The following ADAT1 variants were observed in gnomAD, a reference collection of about 807,000 sequenced individuals.
The protein encoded by ADAT1 is tRNA-specific adenosine deaminase 1.
In ADAT1, 58 loss-of-function variants were observed where a neutral mutation model predicts 58.6. That is an observed-to-expected ratio of 0.99 (90% CI 0.80 to 1.23). The LOEUF (loss-of-function observed/expected upper bound fraction) is 1.23. Ranked by LOEUF, ADAT1 falls within the 50% of genes most tolerant of loss-of-function variation. The pLI, the probability that ADAT1 is intolerant of heterozygous loss-of-function variation, is 0.00. For missense variants in ADAT1, 741 were observed against 608.6 expected (o/e 1.22, Z -2.29); for synonymous variants, 254 against 220.8 (o/e 1.15, Z -1.33).
At chr16:75,609,851 G>A (rs1013376404) in intron 6 of ADAT1, among the ~76,000 whole-genome samples, 3 of 152,014 alleles carry the variant, frequency 2.0e-5, no homozygotes, top group Non-Finnish European at 2.9e-5. Context: ...CTACAGGCAT[G>A]CACCATCATG....
chr16:75,612,219 A>T, intron 6 of ADAT1, 24 bp downstream of exon 6: 1 of 1,604,928 alleles, frequency 6.2e-7, no homozygotes. Context: ...GACTGTTCCA[A>T]TTGAGCCCTC....
At chr16:75,606,624 C>A (rs1476824989) in intron 8 of ADAT1, among the ~76,000 whole-genome samples, 3 of 152,188 alleles carry the variant, frequency 2.0e-5, no homozygotes, top group Non-Finnish European at 4.4e-5. Flanking sequence ...GGAACAGGAT[C>A]CTTGAGCCCC....
Position 75,615,501 on chromosome 16 carries a change from A to T in ADAT1, c.424+1641T>A, listed in dbSNP as rs1452468717. Among the ~76,000 whole-genome samples, 13 of 136,860 alleles carry T rather than the reference A, an allele frequency of 9.5e-5. No homozygotes were observed. In the East Asian group the frequency reaches 1.5e-3, roughly 15 times the overall value. 89.8% of individuals were successfully genotyped at this position (136,860 alleles called of 152,430 possible). ...GAGCTAAAAAAAAAAAAAAAAAAAA[A>T]AAAAAAAAAAAAAAATCGCAAGAAA... On this transcript the variant is annotated intron_variant, in intron 5 of 9. Coordinates refer to ENST00000564657, the MANE Select transcript of ADAT1 (RefSeq NM_001324445.2).
At position 75,605,915 on chromosome 16, in the gene ADAT1, C is replaced by T. The variant is rs529406764; in HGVS notation, c.1289+2309G>A. On this transcript the variant is annotated intron_variant, in intron 8 of 9. Coordinates refer to ENST00000564657, the MANE Select transcript of ADAT1 (RefSeq NM_001324445.2). Reference sequence around the variant, plus strand: ...TCGTGCTACTGTACTCCAGCCTGGGCGGTAAGGGTGAAACTCTGTCTCAAA... The same window carrying T: ...TCGTGCTACTGTACTCCAGCCTGGGTGGTAAGGGTGAAACTCTGTCTCAAA... 2.2e-4 allele frequency among the ~76,000 whole-genome samples: 24 copies of T among 110,188 alleles called. No individual in the cohort carries two copies. In the East Asian group the frequency reaches 4.2e-3, roughly 19 times the overall value. The allele number at this position is 110,188 out of a possible 152,430, so 72.3% of individuals were successfully genotyped here.
chr16:75,617,967 T>A (rs748398575), intron 4 of ADAT1, among the ~76,000 whole-genome samples: 6 of 149,346 alleles, frequency 4.0e-5, no homozygotes, highest in Non-Finnish European at 8.9e-5. Flanking sequence ...TGTGGTGGCA[T>A]GCGCCTGTAA....
chr16:75,622,019 G>T (rs2081946287), intron 1 of ADAT1, among the ~76,000 whole-genome samples: 1 of 152,172 alleles, frequency 6.6e-6, no homozygotes, highest in Non-Finnish European at 1.5e-5. Context: ...GCGTGATGGC[G>T]CGTGCCTGTA....
rs773505801 is a variant in ADAT1, at chr16:75,612,472, C to G, written c.814G>C (p.Gly272Arg). ...KCVPGEAGDS[G>R]KPGAAFHQVG... ...TGGTGAAACGCAGCACCCGGCTTTC[C>G]GGAGTCTCCAGCTTCTCCAGGTACA... is the stretch of plus-strand genomic sequence containing the variant. The change falls in exon 6 of 10, where the codon GGA (glycine) becomes CGA (arginine). Residue 272 changes from glycine (G) to arginine (R), a missense_variant. By Grantham distance (125) the Gly-to-Arg change is moderately radical (BLOSUM62 -2). Transcript: ENST00000564657. 12 of 1,614,102 alleles carry G rather than the reference C, an allele frequency of 7.4e-6. No homozygotes were observed. The African/African-American group carries it at 1.5e-4, about 20-fold the overall frequency.
rs186041550 is a variant in ADAT1 at position 75,618,087 on chromosome 16, G to C, written c.293+499C>G. ...CACTCTAGCCTAGGTAACAGAGCAA[G>C]ACCCTGTGTCCAAAAAAAAAAAAAA... On this transcript the variant is annotated intron_variant, in intron 4 of 9. Transcript: ENST00000564657. Among the ~76,000 whole-genome samples, 322 of 99,648 alleles carry C rather than the reference G, an allele frequency of 3.2e-3. 1 individual carries two copies. Among genetic ancestry groups the C allele is most frequent in the African/African-American group, 0.012 (301 of 24,926 alleles). The allele number at this position is 99,648 out of a possible 152,430, so 65.4% of individuals were successfully genotyped here.
chr16:75,617,656 AAAAT>A (rs1056701175), intron 4 of ADAT1, among the ~76,000 whole-genome samples: 2 of 151,234 alleles, frequency 1.3e-5, no homozygotes, highest in African/African-American at 4.9e-5. Flanking sequence ...TTTTTTTAGA[AAAAT>A]AAAAAAGAAA....
chr16:75,611,862 A>T (rs868332049), intron 6 of ADAT1, among the ~76,000 whole-genome samples: 1 of 151,984 alleles, frequency 6.6e-6, no homozygotes, highest in African/African-American at 2.4e-5. Context: ...GTTTGAGACC[A>T]GCCTGACCAA....
chr16:75,605,937 CAAAAAAAAAAAAAAAAA>C (rs972557653), intron 8 of ADAT1, among the ~76,000 whole-genome samples: 1 of 75,058 alleles, frequency 1.3e-5, no homozygotes, highest in Non-Finnish European at 2.5e-5. Context: ...AACTCTGTCT[CAAAAAAAAAAAAAAAAA>C]AAAAAATCCC....
At chr16:75,615,566 G>C (rs1428009413) in intron 5 of ADAT1, among the ~76,000 whole-genome samples, 5 of 144,540 alleles carry the variant, frequency 3.5e-5, no homozygotes, top group African/African-American at 7.7e-5. Flanking sequence ...AATTTGTCTT[G>C]GGCCACATTC....
At position 75,598,823 on chromosome 16, in the gene ADAT1, A is replaced by C; in HGVS notation, c.*1393T>G. On this transcript the variant is annotated 3_prime_UTR_variant, in exon 10 of 10. Coordinates refer to ENST00000564657, the MANE Select transcript of ADAT1 (RefSeq NM_001324445.2). ...CGTAAGCCACCGTGCCCGGCCTAAA[A>C]ACTTTTAAAATGTATACTTTAGTTG... 4 of 925,758 alleles carry C rather than the reference A, an allele frequency of 4.3e-6. No individual in the cohort carries two copies. Among genetic ancestry groups the C allele is most frequent in the Non-Finnish European group, 5.2e-6 (4 of 775,906 alleles). 57.3% of individuals were successfully genotyped at this position (925,758 alleles called of 1,614,324 possible). A position where few individuals can be genotyped will look rare whatever the true frequency, so the allele number is the denominator to read the frequency against.
In ADAT1 at chr16:75,617,200, T is replaced by G; in HGVS notation, c.366A>C (p.Lys122Asn). The change falls in exon 5 of 10, where the codon AAA (lysine) becomes AAC (asparagine). Residue 122 changes from lysine (K) to asparagine (N), a missense_variant. Coordinates refer to ENST00000564657, the MANE Select transcript of ADAT1 (RefSeq NM_001324445.2). ...EDSIFVPGTQ[K>N]GVWKLRRDLI... ...GGTCTCGTCTAAGTTTCCACACTCC[T>G]TTTTGAGTTCCTGGGACAAAGATGC... 8.7e-6 allele frequency: 14 copies of G among 1,613,844 alleles called. No homozygotes were observed. Among genetic ancestry groups the G allele is most frequent in the Non-Finnish European group, 1.2e-5 (14 of 1,179,758 alleles).
At chr16:75,613,203 G>C (rs1449584790) in intron 5 of ADAT1, among the ~76,000 whole-genome samples, 1 of 152,146 alleles carries the variant, frequency 6.6e-6, no homozygotes, top group Non-Finnish European at 1.5e-5. Context: ...TTCTGGAGAA[G>C]GGCATGCAAA....
In ADAT1 at chr16:75,614,953, A is replaced by C. The variant is rs572348108; in HGVS notation, c.425-2092T>G. Among the ~76,000 whole-genome samples, 12 of 152,246 alleles carry C rather than the reference A, an allele frequency of 7.9e-5. No homozygotes were observed. The East Asian group carries it at 2.3e-3, about 29-fold the overall frequency. On this transcript the variant is annotated intron_variant, in intron 5 of 9. Coordinates refer to ENST00000564657, the MANE Select transcript of ADAT1 (RefSeq NM_001324445.2). The stretch of plus-strand genomic sequence containing the variant: ...AAAATCTCAATTACCGGCCAGGCGC[A>C]GTGGTTCATGCCTGTAATCTCAGCA...
rs2081768363 is a variant in ADAT1 at position 75,617,371 on chromosome 16, A to G, written c.294-99T>C. 3.0e-6 allele frequency: 4 copies of G among 1,328,994 alleles called. No individual in the cohort carries two copies. The East Asian group carries it at 9.4e-5, about 31-fold the overall frequency. The allele number at this position is 1,328,994 out of a possible 1,614,324, so 82.3% of individuals were successfully genotyped here. ...TACTAAGACAGCTTACTGTAGACTAATGGGACTGGTAGTGATGGGGAATTA... is the reference window on the plus strand; with the variant it reads ...TACTAAGACAGCTTACTGTAGACTAGTGGGACTGGTAGTGATGGGGAATTA... On this transcript the variant is annotated intron_variant, in intron 4 of 9. Coordinates refer to ENST00000564657, the MANE Select transcript of ADAT1 (RefSeq NM_001324445.2).
chr16:75,599,515 T>C lies in ADAT1; in HGVS notation c.*701A>G, dbSNP rs544049747. ...TAAACAGTGTTACTAGATCTTTGAT[T>C]CTCTTGGCTGTTTCCTTTGTTGCCT... On this transcript the variant is annotated 3_prime_UTR_variant, in exon 10 of 10. Transcript: ENST00000564657. 1.0e-6 allele frequency: 1 copy of C among 985,898 alleles called. No individual in the cohort carries two copies. Among genetic ancestry groups the C allele is most frequent in the Non-Finnish European group, 1.2e-6 (1 of 829,962 alleles). The allele number at this position is 985,898 out of a possible 1,614,324, so 61.1% of individuals were successfully genotyped here.
At chr16:75,620,208 T>C (rs1162712802) in intron 3 of ADAT1, 58 bp downstream of exon 3, 1 of 1,560,970 alleles carries the variant, frequency 6.4e-7, no homozygotes, top group African/African-American at 1.4e-5. Context: ...ACAAGGAGAG[T>C]AAAACATGGA....
Sources: allele counts gnomAD v4.1 joint callset (sites outside exome capture counted in the v4.1 genomes callset), GRCh38; gene constraint gnomAD v4.1.1; transcripts MANE v1.5; gene names NCBI Gene and HGNC (gene_info 2026-07-23, HGNC 2026-07-21).